The following AGTPBP1 variants were observed in gnomAD, a reference collection of about 807,000 sequenced individuals.
AGTPBP1 encodes the protein cytosolic carboxypeptidase 1.
AGTPBP1 carries 70 observed loss-of-function variants against 143.9 expected under a neutral mutation model. That is an observed-to-expected ratio of 0.49 (90% CI 0.40 to 0.59). The LOEUF (loss-of-function observed/expected upper bound fraction) is 0.59, where lower values mean the gene tolerates loss of function less well. AGTPBP1 is among the 20% of genes least tolerant of loss of function. The pLI, the probability that AGTPBP1 is intolerant of heterozygous loss-of-function variation, is 0.00. For missense variants in AGTPBP1, 1,229 were observed against 1,464.5 expected, an observed-to-expected ratio of 0.84 and a Z score of 2.62; for synonymous variants, 463 against 500.2, an observed-to-expected ratio of 0.93 and a Z score of 0.99.
At position 85,646,369 on chromosome 9, in the gene AGTPBP1, T is replaced by C; in HGVS notation, c.1137A>G (p.Glu379=). Residue 379 remains glutamate (E), a synonymous_variant, in exon 12 of 26, where the codon GAA becomes GAG. Transcript: ENST00000357081. ...CTTCATTCTCAGTTTCGTTTTCAGC[T>C]TCTACATCAATATCATCGTTGTCAT... is the stretch of plus-strand genomic sequence containing the variant. ...ESDDNDDIDV[E]AENETENEDD... The C allele has an allele frequency of 6.2e-7, 1 of 1,613,222 alleles. No homozygotes were observed. Among genetic ancestry groups the C allele is most frequent in the Middle Eastern group, 1.7e-4 (1 of 6,056 alleles).
At chr9:85,726,768 C>G (rs1838521638) in intron 1 of AGTPBP1, among the ~76,000 whole-genome samples, 1 of 151,466 alleles carries the variant, frequency 6.6e-6, no homozygotes, top group African/African-American at 2.4e-5. Flanking sequence ...ACTGGAATCT[C>G]AAAACAAACA....
chr9:85,620,985 G>C (rs1830897471), intron 15 of AGTPBP1, among the ~76,000 whole-genome samples: 1 of 152,106 alleles, frequency 6.6e-6, no homozygotes. Context: ...AAAATCTCGT[G>C]ATAGAGTTAA....
At chr9:85,708,606 C>T (rs774677622) in intron 2 of AGTPBP1, among the ~76,000 whole-genome samples, 2 of 152,198 alleles carry the variant, frequency 1.3e-5, no homozygotes, top group East Asian at 1.9e-4. Flanking sequence ...GGCACTGTGT[C>T]GGCTCACTGC....
At chr9:85,689,017 T>C (rs1835671639) in intron 3 of AGTPBP1, among the ~76,000 whole-genome samples, 1 of 152,188 alleles carries the variant, frequency 6.6e-6, no homozygotes, top group Admixed American at 6.5e-5. Context: ...ATATTTTGTA[T>C]AAAAATGAGA....
intron 2 of AGTPBP1, among the ~76,000 whole-genome samples, chr9:85,708,318 T>G (rs1837148709): frequency 6.6e-6 from 1 of 152,152 alleles, no homozygotes. Context: ...GGATCATCTC[T>G]CTACATCAAG....
intron 23 of AGTPBP1, among the ~76,000 whole-genome samples, chr9:85,583,054 A>C (rs114593328): frequency 0.018 from 2,737 of 152,282 alleles, 94 homozygotes; most frequent in African/African-American, 0.062. Context: ...GAGATGTGAC[A>C]ATGGAAGCAG....
intron 25 of AGTPBP1, among the ~76,000 whole-genome samples, chr9:85,566,138 T>G (rs909718288): frequency 2.0e-5 from 3 of 152,130 alleles, no homozygotes; most frequent in Non-Finnish European, 4.4e-5. Flanking sequence ...GGCACAGATA[T>G]AGTCTCTGCA....
chr9:85,660,882 A>G, intron 9 of AGTPBP1, 54 bp downstream of exon 9: 1 of 1,274,556 alleles, frequency 7.8e-7, no homozygotes, highest in Non-Finnish European at 1.1e-6. Flanking sequence ...TTAACATAAT[A>G]AATAGAATTC....
intron 3 of AGTPBP1, among the ~76,000 whole-genome samples, chr9:85,689,898 C>CA (rs1156931410): frequency 0.012 from 352 of 28,332 alleles, 47 homozygotes; most frequent in Non-Finnish European, 0.014. Flanking sequence ...GACTCTGCCT[C>CA]AAAAAAAAAA....
At chr9:85,584,015 G>A in intron 23 of AGTPBP1, among the ~76,000 whole-genome samples, 1 of 151,838 alleles carries the variant, frequency 6.6e-6, no homozygotes, top group East Asian at 1.9e-4. Context: ...AGAAACGACT[G>A]GGTGAGGCAA....
At chr9:85,586,041 C>G (rs773397022) in intron 22 of AGTPBP1, among the ~76,000 whole-genome samples, 1 of 151,942 alleles carries the variant, frequency 6.6e-6, no homozygotes, top group Non-Finnish European at 1.5e-5. Context: ...GGTAAAACCC[C>G]GTCTCTACCA....
chr9:85,683,684 T>A (rs1835326099), intron 3 of AGTPBP1, among the ~76,000 whole-genome samples: 1 of 152,128 alleles, frequency 6.6e-6, no homozygotes, highest in Non-Finnish European at 1.5e-5. Flanking sequence ...AATCCTTCCC[T>A]CTGTGCTCCA....
At chr9:85,563,536 T>C (rs1239665076) in intron 25 of AGTPBP1, among the ~76,000 whole-genome samples, 1 of 151,970 alleles carries the variant, frequency 6.6e-6, no homozygotes, top group African/African-American at 2.4e-5. Flanking sequence ...TATAGTAAAA[T>C]GCAAGACAAG....
intron 1 of AGTPBP1, among the ~76,000 whole-genome samples, chr9:85,730,824 CTT>C (rs1838831749): frequency 6.6e-6 from 1 of 152,184 alleles, no homozygotes; most frequent in Non-Finnish European, 1.5e-5. Context: ...TGGTAAATCT[CTT>C]ATTACTCCAA....
chr9:85,586,807 G>A, intron 22 of AGTPBP1, 24 bp downstream of exon 22: 3 of 1,601,372 alleles, frequency 1.9e-6, no homozygotes, highest in African/African-American at 1.3e-5. Flanking sequence ...ACTATCCCAA[G>A]TAAAAACAAG....
the AGTPBP1 span, among the ~76,000 whole-genome samples, chr9:85,771,528 G>A: frequency 1.9e-3 from 292 of 152,210 alleles, 1 homozygote; most frequent in Non-Finnish European, 3.2e-3. Context: ...AAAATGTTAT[G>A]CACAGCCTCC....
intron 3 of AGTPBP1, among the ~76,000 whole-genome samples, chr9:85,689,397 G>A (rs967456377): frequency 2.0e-5 from 3 of 152,070 alleles, no homozygotes; most frequent in Non-Finnish European, 4.4e-5. Flanking sequence ...GGGTGTAGGG[G>A]TTACAAGAGT....
intron 1 of AGTPBP1, among the ~76,000 whole-genome samples, chr9:85,725,139 A>G (rs1838386400): frequency 6.6e-6 from 1 of 152,144 alleles, no homozygotes; most frequent in African/African-American, 2.4e-5. Flanking sequence ...AGATGAGCAA[A>G]AGCTGCCTGA....
chr9:85,650,042 C>CTTTTT (rs35903806), intron 11 of AGTPBP1, among the ~76,000 whole-genome samples: 2,061 of 108,978 alleles, frequency 0.019, 2 homozygotes, highest in East Asian at 0.043. Context: ...CTAAACTTTC[C>CTTTTT]TTTTTTTTTT....
Sources: allele counts gnomAD v4.1 joint callset (sites outside exome capture counted in the v4.1 genomes callset), GRCh38; gene constraint gnomAD v4.1.1; transcripts MANE v1.5; gene names NCBI Gene and HGNC (gene_info 2026-07-23, HGNC 2026-07-21).